Variants in PDGFC observed in about 807,000 individuals in gnomAD.
PDGFC encodes platelet-derived growth factor C.
In PDGFC, 12 loss-of-function variants were observed where a neutral mutation model predicts 35.5. That is an observed-to-expected ratio of 0.34 (90% CI 0.22 to 0.55). PDGFC has a LOEUF of 0.55. PDGFC is among the 20% of genes least tolerant of loss of function. The pLI is 0.91. For synonymous variants in PDGFC, 159 were observed against 148.8 expected (o/e 1.07, Z -0.50); for missense variants, 322 against 412.4 (o/e 0.78, Z 1.90).
chr4:156,793,564 A>ATATATATAT (rs1553965210), intron 3 of PDGFC, among the ~76,000 whole-genome samples: 6 of 117,824 alleles, frequency 5.1e-5, no homozygotes, highest in African/African-American at 2.0e-4. Context: ...TATATATATA[A>ATATATATAT]AACACTTTAA....
At chr4:156,771,679 G>A (rs1046065491) in intron 4 of PDGFC, among the ~76,000 whole-genome samples, 1 of 152,162 alleles carries the variant, frequency 6.6e-6, no homozygotes, top group African/African-American at 2.4e-5. Context: ...CTTAGAGCAG[G>A]AAAGGGCAGG....
At chr4:156,938,273 T>C (rs1020002597) in intron 1 of PDGFC, among the ~76,000 whole-genome samples, 8 of 152,102 alleles carry the variant, frequency 5.3e-5, no homozygotes, top group African/African-American at 1.9e-4. Flanking sequence ...AGGTATTCAC[T>C]GTAGAGCAGA....
chr4:156,934,307 T>C (rs539918791), intron 1 of PDGFC, among the ~76,000 whole-genome samples: 2 of 152,310 alleles, frequency 1.3e-5, no homozygotes, highest in South Asian at 2.1e-4. Flanking sequence ...CTGTAGACAA[T>C]TGTAATACAA....
chr4:156,939,748 C>A (rs948511853), intron 1 of PDGFC, among the ~76,000 whole-genome samples: 1 of 152,096 alleles, frequency 6.6e-6, no homozygotes, highest in African/African-American at 2.4e-5. Context: ...TAACTCTGAT[C>A]ATTCCTCTAC....
chr4:156,857,541 T>G (rs1234700388), intron 1 of PDGFC, among the ~76,000 whole-genome samples: 5 of 152,088 alleles, frequency 3.3e-5, no homozygotes, highest in African/African-American at 1.2e-4. Context: ...CAGCCTCTTG[T>G]CCATGAGCTT....
At chr4:156,835,996 T>G (rs182877977) in intron 2 of PDGFC, 1 of 152,316 alleles carries the variant, frequency 6.6e-6, no homozygotes, top group African/African-American at 2.4e-5. Context: ...TAAACCTCGG[T>G]GTACTGATAA....
chr4:156,926,780 C>T (rs1263923425), intron 1 of PDGFC, among the ~76,000 whole-genome samples: 1 of 152,118 alleles, frequency 6.6e-6, no homozygotes, highest in African/African-American at 2.4e-5. Context: ...TTTCCAGGCA[C>T]CCGGTACAAG....
chr4:156,771,180 G>C (rs767680581), intron 4 of PDGFC, among the ~76,000 whole-genome samples: 1 of 152,110 alleles, frequency 6.6e-6, no homozygotes, highest in Non-Finnish European at 1.5e-5. Context: ...TTGAATGCAG[G>C]CTAGCCTCTG....
chr4:156,888,170 C>T (rs1730420605), intron 1 of PDGFC, among the ~76,000 whole-genome samples: 1 of 152,116 alleles, frequency 6.6e-6, no homozygotes, highest in Admixed American at 6.5e-5. Flanking sequence ...GTTTTTACAA[C>T]TGGAGAGTTA....
intron 2 of PDGFC, among the ~76,000 whole-genome samples, chr4:156,816,391 C>G (rs905881122): frequency 6.6e-6 from 1 of 152,106 alleles, no homozygotes; most frequent in African/African-American, 2.4e-5. Context: ...CAGAATGCAA[C>G]TGGTACACAA....
intron 1 of PDGFC, among the ~76,000 whole-genome samples, chr4:156,859,056 T>A (rs775426471): frequency 3.3e-5 from 5 of 152,046 alleles, no homozygotes; most frequent in African/African-American, 4.8e-5. Context: ...CAAAACAAAT[T>A]TACTATTTCA....
chr4:156,874,568 G>C (rs951136874), intron 1 of PDGFC, among the ~76,000 whole-genome samples: 6 of 152,070 alleles, frequency 3.9e-5, no homozygotes, highest in African/African-American at 9.7e-5. Flanking sequence ...AATAAAAAAT[G>C]AATCAGTAGC....
intron 2 of PDGFC, among the ~76,000 whole-genome samples, chr4:156,830,099 T>A (rs2111018069): frequency 6.6e-6 from 1 of 152,322 alleles, no homozygotes; most frequent in Non-Finnish European, 1.5e-5. Flanking sequence ...TGTAGCAATT[T>A]ACTTACTCTG....
In PDGFC at chr4:156,874,580, T is replaced by G. The variant is rs1308231288; in HGVS notation, c.119-24164A>C. Among the ~76,000 whole-genome samples the G allele has an allele frequency of 2.6e-5, 4 of 152,290 alleles. No individual in the cohort carries two copies. In the East Asian group the frequency reaches 7.7e-4, roughly 29 times the overall value. On this transcript the variant is annotated intron_variant, in intron 1 of 5. Coordinates refer to ENST00000502773, the MANE Select transcript of PDGFC (RefSeq NM_016205.3). ...TGAAATAAAAAATGAATCAGTAGCC[T>G]GCCTATGATTTAGCTCAAGAAACAA...
chr4:156,823,322 T>C (rs1006158401), intron 2 of PDGFC, among the ~76,000 whole-genome samples: 4 of 152,212 alleles, frequency 2.6e-5, no homozygotes, highest in African/African-American at 9.7e-5. Context: ...CAGACCCTTA[T>C]CTGTAAAATG....
chr4:156,807,367 T>C (rs886950550), intron 3 of PDGFC, among the ~76,000 whole-genome samples: 1 of 152,008 alleles, frequency 6.6e-6, no homozygotes, highest in Non-Finnish European at 1.5e-5. Context: ...ATTTTAATTA[T>C]GTCTTATTGT....
At chr4:156,772,222 C>G (rs1197740974) in intron 4 of PDGFC, among the ~76,000 whole-genome samples, 2 of 152,046 alleles carry the variant, frequency 1.3e-5, no homozygotes, top group Non-Finnish European at 2.9e-5. Context: ...ATTGTCTAGG[C>G]TTAGAAAATG....
At chr4:156,846,051 T>A (rs966470710) in intron 2 of PDGFC, among the ~76,000 whole-genome samples, 3 of 151,810 alleles carry the variant, frequency 2.0e-5, no homozygotes, top group East Asian at 3.9e-4. Flanking sequence ...AAAATACTAA[T>A]GACAATAAAA....
At chr4:156,854,126 A>G (rs1729519426) in intron 1 of PDGFC, among the ~76,000 whole-genome samples, 1 of 152,196 alleles carries the variant, frequency 6.6e-6, no homozygotes, top group Non-Finnish European at 1.5e-5. Flanking sequence ...ATAGTAATTT[A>G]TAAAAATAAT....
Sources: gnomAD v4.1 joint callset for allele counts (sites outside exome capture counted in the v4.1 genomes callset) on GRCh38, gnomAD v4.1.1 for gene constraint, MANE v1.5 for transcripts, NCBI Gene and HGNC (gene_info 2026-07-23, HGNC 2026-07-21) for gene names.